The following APOLD1 variants were observed in gnomAD, a reference collection of about 807,000 sequenced individuals.
APOLD1 encodes the protein apolipoprotein L domain-containing protein 1.
In APOLD1, 22 loss-of-function variants were observed where a neutral mutation model predicts 15.3. The ratio of observed to expected loss-of-function variants is 1.44; its 90% CI spans 1.03 to 2.05. APOLD1 has a LOEUF of 2.05. Ranked by LOEUF, APOLD1 falls within the 30% of genes most tolerant of loss-of-function variation. APOLD1 has a pLI of 0.00. For synonymous variants in APOLD1, 190 were observed against 167.4 expected (o/e 1.13, Z -1.04); for missense variants, 394 against 353.5 (o/e 1.11, Z -0.92).
chr12:12,757,937 C>CTTTTTT, intron 1 of APOLD1, among the ~76,000 whole-genome samples: 1 of 121,398 alleles, frequency 8.2e-6, no homozygotes, highest in Non-Finnish European at 1.7e-5. Context: ...AATTCAATAT[C>CTTTTTT]TTTTTTTTTT....
At chr12:12,756,348 G>A (rs1364381329) in intron 1 of APOLD1, among the ~76,000 whole-genome samples, 1 of 152,184 alleles carries the variant, frequency 6.6e-6, no homozygotes, top group Non-Finnish European at 1.5e-5. Context: ...CAGATCTGCT[G>A]CTCCGCATGC....
At chr12:12,738,194 A>G (rs1946704576) in intron 1 of APOLD1, among the ~76,000 whole-genome samples, 1 of 141,618 alleles carries the variant, frequency 7.1e-6, no homozygotes, top group Non-Finnish European at 1.5e-5. Flanking sequence ...CACCAGAGCA[A>G]GCAAGTCCTT....
At chr12:12,748,409 G>C (rs527409152) in intron 1 of APOLD1, among the ~76,000 whole-genome samples, 1 of 152,280 alleles carries the variant, frequency 6.6e-6, no homozygotes, top group Admixed American at 6.5e-5. Context: ...TGTTCTCAAG[G>C]TTGCTAGAAA....
At chr12:12,766,711 T>G (rs953173236) in intron 1 of APOLD1, among the ~76,000 whole-genome samples, 3 of 151,910 alleles carry the variant, frequency 2.0e-5, no homozygotes, top group African/African-American at 7.3e-5. Context: ...TAGCTGAGTG[T>G]GGTGGCACGT....
At position 12,763,522 on chromosome 12, in the gene APOLD1, G is replaced by T. The variant is rs567248277; in HGVS notation, c.97-23387G>T. 2.4e-4 allele frequency among the ~76,000 whole-genome samples: 37 copies of T among 151,194 alleles called. 2 individuals are homozygous for T. Among genetic ancestry groups the T allele is most frequent in the Admixed American group, 8.6e-4 (13 of 15,186 alleles). On this transcript the variant is annotated intron_variant, in intron 1 of 1. Transcript: ENST00000326765. ...ATTGAAAATATTGTGTGTGGGGGGG[G>T]GGAAAACAATACAACAATAAAAAAT...
At chr12:12,737,457 TTC>T (rs1279825494) in intron 1 of APOLD1, among the ~76,000 whole-genome samples, 1 of 152,190 alleles carries the variant, frequency 6.6e-6, no homozygotes, top group Non-Finnish European at 1.5e-5. Flanking sequence ...TCACCACTGT[TTC>T]TGTTTCAATC....
chr12:12,733,477 C>T (rs2136368972), intron 1 of APOLD1, among the ~76,000 whole-genome samples: 1 of 152,304 alleles, frequency 6.6e-6, no homozygotes, highest in Middle Eastern at 3.4e-3. Flanking sequence ...TTACCCACCA[C>T]ATTAACATCT....
chr12:12,769,357 A>G (rs1333289466), intron 1 of APOLD1, among the ~76,000 whole-genome samples: 1 of 152,218 alleles, frequency 6.6e-6, no homozygotes, highest in Non-Finnish European at 1.5e-5. Context: ...CCCAAATTGG[A>G]AACACAGGTG....
chr12:12,745,056 AAATAATGTACTGGC>A (rs1350331395), intron 1 of APOLD1, among the ~76,000 whole-genome samples: 1 of 152,174 alleles, frequency 6.6e-6, no homozygotes, highest in Non-Finnish European at 1.5e-5. Flanking sequence ...AAATGTATTA[AAATAATGTACTGGC>A]AATACCTCCC....
Position 12,747,143 on chromosome 12 carries a change from G to C in APOLD1, c.96+21047G>C, listed in dbSNP as rs143593288. On this transcript the variant is annotated intron_variant, in intron 1 of 1. Transcript: ENST00000326765. ...TATATTTTTTTCTAGAGACAGTCTC[G>C]CTTTGTCACCCAGGCTGGAGTGCAG... Among the ~76,000 whole-genome samples the C allele has an allele frequency of 2.9e-3, 438 of 152,022 alleles. 4 individuals carry two copies. The highest frequency in any genetic ancestry group is 0.014 in the Middle Eastern group (4 of 294).
At chr12:12,777,889 GTTTTTTTTTTTTTTTTTTTTT>G (rs71436735) in intron 1 of APOLD1, among the ~76,000 whole-genome samples, 71,377 of 118,268 alleles carry the variant, frequency 0.6, 19,400 homozygotes, top group East Asian at 0.75. Context: ...AAGGAAAGGT[GTTTTTTTTTTTTTTTTTTTTT>G]TTTTTTTTTT....
At chr12:12,736,524 C>G (rs1946687881) in intron 1 of APOLD1, among the ~76,000 whole-genome samples, 1 of 152,112 alleles carries the variant, frequency 6.6e-6, no homozygotes, top group Non-Finnish European at 1.5e-5. Context: ...GAGACCCTGT[C>G]TCAAAAGAAT....
chr12:12,753,924 A>C (rs1946834454), intron 1 of APOLD1, among the ~76,000 whole-genome samples: 2 of 151,974 alleles, frequency 1.3e-5, no homozygotes, highest in African/African-American at 2.4e-5. Flanking sequence ...ATTAAAAAAT[A>C]TCAGTGTGAG....
intron 1 of APOLD1, among the ~76,000 whole-genome samples, chr12:12,779,903 G>A (rs1947065864): frequency 6.6e-6 from 1 of 152,156 alleles, no homozygotes; most frequent in South Asian, 2.1e-4. Flanking sequence ...GAAAATGGCT[G>A]GAGTGCAGTA....
intron 1 of APOLD1, among the ~76,000 whole-genome samples, chr12:12,761,248 G>GA (rs1220050754): frequency 6.6e-6 from 1 of 152,166 alleles, no homozygotes; most frequent in African/African-American, 2.4e-5. Flanking sequence ...CTGATTGAAG[G>GA]ATTATGTTGT....
chr12:12,734,317 C>G (rs1251871578), intron 1 of APOLD1, among the ~76,000 whole-genome samples: 1 of 152,206 alleles, frequency 6.6e-6, no homozygotes, highest in Non-Finnish European at 1.5e-5. Flanking sequence ...AGATCAACTC[C>G]CTGCCTTAGA....
intron 1 of APOLD1, among the ~76,000 whole-genome samples, chr12:12,738,880 G>A (rs1592290662): frequency 6.6e-6 from 1 of 152,328 alleles, no homozygotes; most frequent in East Asian, 1.9e-4. Context: ...AACTATAGGC[G>A]ATGCCACACC....
At chr12:12,763,394 T>TA (rs34740987) in intron 1 of APOLD1, among the ~76,000 whole-genome samples, 1 of 152,210 alleles carries the variant, frequency 6.6e-6, no homozygotes, top group African/African-American at 2.4e-5. Flanking sequence ...AGTACCTTAT[T>TA]AAAAAAAGTG....
chr12:12,730,069 TGTGTGTGTGA>T (rs1288557168), intron 1 of APOLD1, among the ~76,000 whole-genome samples: 6 of 60,432 alleles, frequency 9.9e-5, no homozygotes, highest in African/African-American at 2.3e-4. Context: ...TGTGTGTGTG[TGTGTGTGTGA>T]GAGAGAGAGA....
Sources: allele counts gnomAD v4.1 joint callset (sites outside exome capture counted in the v4.1 genomes callset), GRCh38; gene constraint gnomAD v4.1.1; transcripts MANE v1.5; gene names NCBI Gene and HGNC (gene_info 2026-07-23, HGNC 2026-07-21).